Variants in AFF1 observed in about 807,000 individuals in gnomAD.
The protein encoded by AFF1 is AF4/FMR2 family member 1.
In AFF1, 48 loss-of-function variants were observed where a neutral mutation model predicts 121.7. That is an observed-to-expected ratio of 0.39 (90% confidence interval 0.31 to 0.50). AFF1 has a LOEUF of 0.50. AFF1 is among the 20% of genes least tolerant of loss of function. AFF1 has a pLI of 0.76. For missense variants in AFF1, 1,523 were observed against 1,511.7 expected, an observed-to-expected ratio of 1.01 and a Z score of -0.12; for synonymous variants, 613 against 563.0, an observed-to-expected ratio of 1.09 and a Z score of -1.26.
chr4:86,964,215 C>G (rs1362486835), intron 2 of AFF1, among the ~76,000 whole-genome samples: 2 of 151,258 alleles, frequency 1.3e-5, no homozygotes, highest in East Asian at 3.9e-4. Context: ...TCTCTGCCTC[C>G]CAGGTTCAAG....
intron 2 of AFF1, among the ~76,000 whole-genome samples, chr4:86,995,520 G>C (rs895175430): frequency 8.1e-4 from 123 of 152,104 alleles, no homozygotes; most frequent in African/African-American, 2.9e-3. Flanking sequence ...CGCTGTGTTG[G>C]CCGGGCTGGT....
intron 1 of AFF1, among the ~76,000 whole-genome samples, chr4:86,946,582 G>T (rs903932084): frequency 2.0e-5 from 3 of 151,684 alleles, no homozygotes; most frequent in Admixed American, 6.6e-5. Context: ...TAGCAGAGAC[G>T]GGTCTTGTCA....
At chr4:87,022,039 C>G (rs965045028) in intron 2 of AFF1, among the ~76,000 whole-genome samples, 1 of 151,946 alleles carries the variant, frequency 6.6e-6, no homozygotes, top group African/African-American at 2.4e-5. Flanking sequence ...TCCATCTCTA[C>G]TAAAAATACA....
At chr4:87,027,792 T>G (rs1181655501) in intron 2 of AFF1, among the ~76,000 whole-genome samples, 5 of 140,672 alleles carry the variant, frequency 3.6e-5, no homozygotes, top group African/African-American at 1.1e-4. Context: ...GGGTTTTTTT[T>G]TTTTTTTTTT....
At chr4:87,061,254 A>G (rs1470629140) in intron 4 of AFF1, among the ~76,000 whole-genome samples, 1 of 152,214 alleles carries the variant, frequency 6.6e-6, no homozygotes. Context: ...CTTGTGCAGC[A>G]GAGAGGAGAC....
intron 5 of AFF1, among the ~76,000 whole-genome samples, chr4:87,084,982 G>A (rs1025491634): frequency 1.4e-4 from 21 of 152,172 alleles, no homozygotes; most frequent in African/African-American, 3.4e-4. Context: ...TCAGTGAGAC[G>A]ATGAAATTTT....
At chr4:86,946,868 A>G (rs944899698) in intron 1 of AFF1, among the ~76,000 whole-genome samples, 1 of 152,030 alleles carries the variant, frequency 6.6e-6, no homozygotes, top group Non-Finnish European at 1.5e-5. Context: ...GGTGGGTGCT[A>G]TTGGGTTGCA....
chr4:86,941,943 C>G (rs894444184), intron 1 of AFF1, among the ~76,000 whole-genome samples: 1 of 151,102 alleles, frequency 6.6e-6, no homozygotes, highest in South Asian at 2.1e-4. Flanking sequence ...TCCAATCCTC[C>G]GTTTTTTTTT....
intron 8 of AFF1, among the ~76,000 whole-genome samples, chr4:87,102,652 G>A (rs973801253): frequency 6.6e-6 from 1 of 152,118 alleles, no homozygotes; most frequent in African/African-American, 2.4e-5. Flanking sequence ...TGCTGTTTTA[G>A]GATACCTACC....
chr4:87,015,071 T>TTA (rs1727164966), intron 2 of AFF1, among the ~76,000 whole-genome samples: 1 of 152,190 alleles, frequency 6.6e-6, no homozygotes, highest in Admixed American at 6.5e-5. Context: ...ACAGAACGTG[T>TTA]TATTGAGTTA....
chr4:87,090,765 G>A (rs1724216132), intron 6 of AFF1, among the ~76,000 whole-genome samples: 1 of 152,098 alleles, frequency 6.6e-6, no homozygotes, highest in African/African-American at 2.4e-5. Context: ...TGTATTCCCA[G>A]TACTTTGGGA....
At chr4:87,103,924 T>C (rs1725666158) in intron 8 of AFF1, among the ~76,000 whole-genome samples, 1 of 152,204 alleles carries the variant, frequency 6.6e-6, no homozygotes. Flanking sequence ...GAATACACTT[T>C]GCCAGATTTT....
chr4:87,114,304 A>C (rs1398498825), intron 11 of AFF1, 63 bp from the exon 12 acceptor site: 18 of 1,436,028 alleles, frequency 1.3e-5, no homozygotes, highest in Non-Finnish European at 1.7e-5. Context: ...TGGGTGACTA[A>C]CACAAAAGAA....
chr4:87,083,128 T>A (rs1218980667), intron 4 of AFF1, among the ~76,000 whole-genome samples: 1 of 152,106 alleles, frequency 6.6e-6, no homozygotes, highest in African/African-American at 2.4e-5. Flanking sequence ...TCAGAAAAAA[T>A]AATTGATTTT....
At position 87,090,092 on chromosome 4, in the gene AFF1, A is replaced by G. The variant is rs762709863; in HGVS notation, c.1191+22A>G. On this transcript the variant is annotated intron_variant, in intron 6 of 20. Transcript: ENST00000395146. Reference sequence around the variant, plus strand: ...AAAGGTAATTCCTTAAAAGTATGGCAGGCATTGCATCCACCTTAGTGAAAA... The same window carrying G: ...AAAGGTAATTCCTTAAAAGTATGGCGGGCATTGCATCCACCTTAGTGAAAA... 7 of 1,580,076 alleles carry G rather than the reference A, an allele frequency of 4.4e-6. No homozygotes were observed. In the South Asian group the frequency reaches 7.7e-5, roughly 17 times the overall value.
chr4:87,059,093 T>C (rs1414829724), intron 4 of AFF1, among the ~76,000 whole-genome samples: 3 of 152,212 alleles, frequency 2.0e-5, no homozygotes, highest in Admixed American at 6.5e-5. Flanking sequence ...CCATCTTTTC[T>C]CATTCTGCAG....
chr4:86,973,165 G>C (rs961474449), intron 2 of AFF1, among the ~76,000 whole-genome samples: 84 of 152,110 alleles, frequency 5.5e-4, no homozygotes, highest in African/African-American at 2.0e-3. Context: ...TGAAGGGTGG[G>C]GGAAGATTAT....
rs758932525 is a variant in AFF1 at position 87,127,082 on chromosome 4, C to T, written c.2868C>T (p.Asn956=). Residue 956 remains asparagine (N), a synonymous_variant, in exon 15 of 21, where the codon AAC becomes AAT. Transcript: ENST00000395146. Reference sequence around the variant, plus strand: ...CAGTGCCTTCTTTGCCAAATGGTAACTCTAAACCAGGGAAGCCTCAAGTGA... The same window carrying T: ...CAGTGCCTTCTTTGCCAAATGGTAATTCTAAACCAGGGAAGCCTCAAGTGA... ...PFPVPSLPNG[N]SKPGKPQVKF... 1.6e-5 allele frequency: 26 copies of T among 1,612,944 alleles called. No homozygotes were observed. The highest frequency in any genetic ancestry group is 6.7e-5 in the Admixed American group (4 of 59,906).
chr4:86,961,350 T>G (rs1380311701), intron 2 of AFF1, among the ~76,000 whole-genome samples: 3 of 152,276 alleles, frequency 2.0e-5, no homozygotes, highest in Non-Finnish European at 2.9e-5. Flanking sequence ...CCTGTTCCCT[T>G]TTTGTCTTTG....
Sources: gnomAD v4.1 joint callset for allele counts (sites outside exome capture counted in the v4.1 genomes callset) on GRCh38, gnomAD v4.1.1 for gene constraint, MANE v1.5 for transcripts, NCBI Gene and HGNC (gene_info 2026-07-23, HGNC 2026-07-21) for gene names.